OSBPL9: variants seen among roughly 807,000 people sequenced by gnomAD.
The protein encoded by OSBPL9 is oxysterol binding protein like 9.
Under a neutral mutation model 106.6 loss-of-function variants are expected in OSBPL9, and 40 were observed. That is an observed-to-expected ratio of 0.38 (90% CI 0.29 to 0.49). The LOEUF is 0.49. Among genes scored for constraint, OSBPL9 ranks in the 20% least tolerant of loss-of-function variants. The probability of loss-of-function intolerance (pLI) is 0.97; values close to 1 mark genes in which losing one functional copy is unlikely to be tolerated. For missense variants in OSBPL9, 609 were observed against 887.2 expected, an observed-to-expected ratio of 0.69 and a Z score of 3.98; for synonymous variants, 269 against 295.4, an observed-to-expected ratio of 0.91 and a Z score of 0.92.
chr1:51,682,463 A>G (rs966211513), intron 3 of OSBPL9, among the ~76,000 whole-genome samples: 1 of 152,060 alleles, frequency 6.6e-6, no homozygotes, highest in Non-Finnish European at 1.5e-5. Context: ...AGATGAACAG[A>G]TAAAGAAAAT....
At chr1:51,636,799 T>A (rs1205565955) in intron 1 of OSBPL9, among the ~76,000 whole-genome samples, 1 of 151,846 alleles carries the variant, frequency 6.6e-6, no homozygotes, top group African/African-American at 2.4e-5. Context: ...TAAAAATAAA[T>A]AAATAAATAA....
chr1:51,640,912 T>G (rs1032113211), intron 1 of OSBPL9, among the ~76,000 whole-genome samples: 1 of 151,604 alleles, frequency 6.6e-6, no homozygotes, highest in Non-Finnish European at 1.5e-5. Context: ...GCCCCCTGAG[T>G]ACCTAGGATT....
the OSBPL9 span, among the ~76,000 whole-genome samples, chr1:51,551,740 C>G: frequency 1.0e-3 from 153 of 151,392 alleles, 2 homozygotes; most frequent in Non-Finnish European, 4.1e-4. Context: ...GCACATGCCA[C>G]TACACCTGGC....
chr1:51,711,466 A>ACTCC (rs1659849067), intron 3 of OSBPL9, among the ~76,000 whole-genome samples: 1 of 2,940 alleles, frequency 3.4e-4, no homozygotes, highest in African/African-American at 1.4e-3. Flanking sequence ...CGGGGGGCTG[A>ACTCC]CCCCCCCACC....
At position 51,787,354 on chromosome 1, in the gene OSBPL9, C is replaced by A; in HGVS notation, c.2002C>A (p.Leu668Ile). The change falls in exon 23 of 24, where the codon CTT becomes ATT. Residue 668 changes from leucine (L) to isoleucine (I), a missense_variant and splice_region_variant. By Grantham distance (5) the Leu-to-Ile change is conservative. Coordinates refer to ENST00000428468, the MANE Select transcript of OSBPL9 (RefSeq NM_024586.6). ...GCTCCTCTTACCTCTTTGTTTTAGCCTTTGGAAGGATGTCACTTTCAACTT... is the reference window on the plus strand; with the variant it reads ...GCTCCTCTTACCTCTTTGTTTTAGCATTTGGAAGGATGTCACTTTCAACTT... ...EDQNEYESRS[L>I]WKDVTFNLKI... 6.2e-7 allele frequency: 1 copy of A among 1,613,762 alleles called. No homozygotes were observed. The highest frequency in any genetic ancestry group is 8.5e-7 in the Non-Finnish European group (1 of 1,179,760).
At chr1:51,628,134 G>A (rs998946059) in intron 1 of OSBPL9, among the ~76,000 whole-genome samples, 19 of 150,708 alleles carry the variant, frequency 1.3e-4, no homozygotes, top group African/African-American at 4.7e-4. Context: ...TATAGTGAAA[G>A]GTCTATACAG....
chr1:51,612,209 C>A (rs1390109713), upstream of OSBPL9, among the ~76,000 whole-genome samples: 1 of 152,336 alleles, frequency 6.6e-6, no homozygotes, highest in African/African-American at 2.4e-5. Context: ...CTGAAACTCT[C>A]TATTGCTTGA....
chr1:51,742,663 G>A (rs1389968662), intron 4 of OSBPL9, among the ~76,000 whole-genome samples: 1 of 152,112 alleles, frequency 6.6e-6, no homozygotes, highest in Non-Finnish European at 1.5e-5. Context: ...CTGAGCTCAG[G>A]AGGTTGAGTC....
the OSBPL9 span, among the ~76,000 whole-genome samples, chr1:51,536,864 A>T: frequency 6.6e-6 from 1 of 152,176 alleles, no homozygotes; most frequent in African/African-American, 2.4e-5. Context: ...TGGTCCCATT[A>T]TTGATGGTGT....
chr1:51,539,837 T>C, the OSBPL9 span, among the ~76,000 whole-genome samples: 1 of 152,196 alleles, frequency 6.6e-6, no homozygotes, highest in Non-Finnish European at 1.5e-5. Flanking sequence ...CATCAAATAT[T>C]TGATGGCTTC....
At chr1:51,632,965 A>T (rs1489028496) in intron 1 of OSBPL9, among the ~76,000 whole-genome samples, 2 of 152,020 alleles carry the variant, frequency 1.3e-5, no homozygotes, top group Admixed American at 6.6e-5. Context: ...ATTGCCTTTT[A>T]AAAAATACTT....
At chr1:51,595,561 A>T (rs1192037563) in intron 1 of OSBPL9, among the ~76,000 whole-genome samples, 1 of 152,056 alleles carries the variant, frequency 6.6e-6, no homozygotes, top group Non-Finnish European at 1.5e-5. Flanking sequence ...GAAATGGGGG[A>T]GGGAGGAGGA....
chr1:51,536,515 G>A, the OSBPL9 span, among the ~76,000 whole-genome samples: 1 of 151,972 alleles, frequency 6.6e-6, no homozygotes, highest in Non-Finnish European at 1.5e-5. Context: ...GTGGGGTCTC[G>A]TTATGTTGCC....
rs756872212 is a variant in OSBPL9 at position 51,765,858 on chromosome 1, C to G, written c.815C>G (p.Ser272Cys). 1.9e-6 allele frequency: 3 copies of G among 1,614,052 alleles called. No homozygotes were observed. Among genetic ancestry groups the G allele is most frequent in the Non-Finnish European group, 2.5e-6 (3 of 1,179,956 alleles). ...GHSPPSSSLT[S>C]PSHVNLSPNT... ...TCACCACCGAGTAGCAGTCTCACTT[C>G]TCCAAGCCACGTGAACTTGTCTCCA... Residue 272 changes from serine to cysteine, a missense_variant, in exon 12 of 24, where the codon TCT becomes TGT. Around this residue, in one of 5 missense-constraint regions of OSBPL9, gnomAD observed 356 missense variants for 505.8 expected, o/e 0.70. Transcript: ENST00000428468.
intron 3 of OSBPL9, among the ~76,000 whole-genome samples, chr1:51,680,824 A>G (rs1402896719): frequency 6.6e-6 from 1 of 152,218 alleles, no homozygotes; most frequent in Non-Finnish European, 1.5e-5. Context: ...TTAGATTCAT[A>G]AAAGAATTTG....
chr1:51,554,578 G>T, the OSBPL9 span, among the ~76,000 whole-genome samples: 3 of 152,178 alleles, frequency 2.0e-5, no homozygotes, highest in Admixed American at 1.3e-4. Context: ...TTTGGAAAGT[G>T]CTGACAGAGC....
chr1:51,697,527 T>C (rs1024026993), intron 3 of OSBPL9, among the ~76,000 whole-genome samples: 4 of 149,018 alleles, frequency 2.7e-5, no homozygotes, highest in African/African-American at 5.0e-5. Context: ...ATACAGGCAG[T>C]AATATATTCA....
the OSBPL9 span, among the ~76,000 whole-genome samples, chr1:51,553,561 G>A: frequency 1.3e-5 from 2 of 151,732 alleles, no homozygotes; most frequent in African/African-American, 4.8e-5. Context: ...AAGAAAATGA[G>A]CTCAGTAGCT....
chr1:51,686,760 A>G (rs920085259), intron 3 of OSBPL9, among the ~76,000 whole-genome samples: 2 of 152,270 alleles, frequency 1.3e-5, no homozygotes, highest in Non-Finnish European at 2.9e-5. Context: ...TATGGATTTA[A>G]GGGTCAGGGA....
Sources: allele counts gnomAD v4.1 joint callset (sites outside exome capture counted in the v4.1 genomes callset), GRCh38; gene constraint gnomAD v4.1.1; regional missense constraint gnomAD v4.1.1; transcripts MANE v1.5; gene names NCBI Gene and HGNC (gene_info 2026-07-23, HGNC 2026-07-21).